The following DOCK6 variants were observed in gnomAD, a reference collection of about 807,000 sequenced individuals.
DOCK6 encodes the protein dedicator of cytokinesis 6.
DOCK6 carries 167 observed loss-of-function variants against 230.3 expected under a neutral mutation model. That is an observed-to-expected ratio of 0.73 (90% confidence interval 0.64 to 0.82). DOCK6 has a LOEUF of 0.82. DOCK6 is among the 40% of genes least tolerant of loss of function. The pLI is 0.00. For synonymous variants in DOCK6, 1,148 were observed against 1,185.0 expected, an observed-to-expected ratio of 0.97 and a Z score of 0.64; for missense variants, 2,598 against 2,825.8, an observed-to-expected ratio of 0.92 and a Z score of 1.83.
chr19:11,253,917 A>C, intron 1 of DOCK6, 191 bp from the exon 2 acceptor site: 1 of 493,412 alleles, frequency 2.0e-6, no homozygotes, highest in Non-Finnish European at 3.5e-6. Flanking sequence ...TCAAGCACAG[A>C]TCAGGAGATG....
chr19:11,228,355 G>A (rs898988285), intron 23 of DOCK6, among the ~76,000 whole-genome samples: 2 of 151,966 alleles, frequency 1.3e-5, no homozygotes, highest in African/African-American at 4.8e-5. Flanking sequence ...CAGGATGCAG[G>A]TCTCCTGTCT....
At chr19:11,204,903 C>T (rs2079231543) in intron 39 of DOCK6, among the ~76,000 whole-genome samples, 1 of 152,180 alleles carries the variant, frequency 6.6e-6, no homozygotes, top group African/African-American at 2.4e-5. Flanking sequence ...CTGCACTTCA[C>T]CCATCTGTCT....
rs376605088 is a variant in DOCK6, at chr19:11,202,457, G to A, written c.5388C>T (p.Asp1796=). The A allele has an allele frequency of 1.1e-5, 17 of 1,613,336 alleles. No homozygotes were observed. Among genetic ancestry groups the A allele is most frequent in the Admixed American group, 1.7e-5 (1 of 59,992 alleles). The change falls in exon 43 of 48, where the codon GAC becomes GAT. Residue 1796 remains aspartate (D), a synonymous_variant. Transcript: ENST00000294618. The surrounding 1 kb of genome is among the most constrained non-coding windows in gnomAD (Gnocchi z 5.3). ...AGTCTTTGATAATCTCAACGACGTCGTCGCCAAATCTCTCCGTGTAGAACT... is the reference window on the plus strand; with the variant it reads ...AGTCTTTGATAATCTCAACGACGTCATCGCCAAATCTCTCCGTGTAGAACT... ...LEEFYTERFG[D]DVVEIIKDSN... is the part of the protein sequence containing the mutation.
chr19:11,223,064 A>G lies in DOCK6; in HGVS notation c.2998T>C (p.Phe1000Leu). 1 of 1,613,778 alleles carries G rather than the reference A, an allele frequency of 6.2e-7. No individual in the cohort carries two copies. The highest frequency in any genetic ancestry group is 1.1e-5 in the South Asian group (1 of 91,080). ...ACCAGGGACAGAAGGTCACTGAGGA[A>G]GAAAGCCAGGCTGGCGTTGAGGTGC... The part of the protein sequence containing the change: ...AEHLNASLAF[F>L]LSDLLSLVDR... Residue 1000 changes from phenylalanine (F) to leucine (L), a missense_variant, in exon 25 of 48, where the codon TTC becomes CTC. Transcript: ENST00000294618.
rs761783805 is a variant in DOCK6, at chr19:11,202,671, G to T, written c.5274C>A (p.Gly1758=). 4 of 1,613,870 alleles carry T rather than the reference G, an allele frequency of 2.5e-6. No homozygotes were observed. The African/African-American group carries it at 5.3e-5, about 22-fold the overall frequency. ...GCTCATCCAGGTCACCGAAGTGGGC[G>T]CCGTAGAAGCCCACGCGGAAATACG... The part of the protein sequence containing the change: ...FGTYFRVGFY[G]AHFGDLDEQE... The change falls in exon 42 of 48, where the codon GGC becomes GGA. Residue 1758 remains glycine, a synonymous_variant. Transcript: ENST00000294618. The surrounding 1 kb of genome is among the most constrained non-coding windows in gnomAD (Gnocchi z 5.3).
intron 1 of DOCK6, among the ~76,000 whole-genome samples, chr19:11,256,495 T>G (rs2080199931): frequency 6.6e-6 from 1 of 151,996 alleles, no homozygotes; most frequent in African/African-American, 2.4e-5. Context: ...CTTGGATGAG[T>G]GACCATCAGT....
rs1293873402 is a variant in DOCK6 at position 11,235,749 on chromosome 19, G to A, written c.2403C>T (p.Gly801=). 9 of 1,591,518 alleles carry A rather than the reference G, an allele frequency of 5.7e-6. No homozygotes were observed. The highest frequency in any genetic ancestry group is 7.7e-6 in the Non-Finnish European group (9 of 1,168,150). Residue 801 remains glycine, a synonymous_variant, in exon 21 of 48, where the codon GGC becomes GGT. Transcript: ENST00000294618. ...GGGCCATTGCTTCAAAGGCTCCACG[G>A]CCCAGGTTCACTGCAGGGCAGAGCA... ...PIISGQIVNL[G]RGAFEAMAHV... is the part of the protein sequence containing the mutation.
intron 21 of DOCK6, 54 bp downstream of exon 21, chr19:11,235,544 C>T (rs1173199542): frequency 2.5e-5 from 37 of 1,498,948 alleles, no homozygotes; most frequent in Non-Finnish European, 3.2e-5. Context: ...AGCCACCGCA[C>T]CCAGCCTCTT....
chr19:11,239,615 G>A, intron 14 of DOCK6: 2 of 1,613,084 alleles, frequency 1.2e-6, no homozygotes, highest in Non-Finnish European at 1.7e-6. Flanking sequence ...ACAGTGCTGT[G>A]GCTATACCTT....
chr19:11,258,322 C>G (rs2080228531), intron 1 of DOCK6, among the ~76,000 whole-genome samples: 1 of 152,168 alleles, frequency 6.6e-6, no homozygotes, highest in Admixed American at 6.6e-5. Context: ...GGGAGGGAGC[C>G]AGGAAGGTGG....
In DOCK6 at chr19:11,220,023, G is replaced by A. The variant is rs566088286; in HGVS notation, c.3550+1828C>T. ...GGCTGGAGTGCAATGGCACAATCTC[G>A]GCTCACTGCGACCTCCATCTCCCAG... On this transcript the variant is annotated intron_variant, in intron 28 of 47. Transcript: ENST00000294618. Among the ~76,000 whole-genome samples, 408 of 151,336 alleles carry A rather than the reference G, an allele frequency of 2.7e-3. 2 individuals are homozygous for A. Among genetic ancestry groups the A allele is most frequent in the African/African-American group, 9.2e-3 (381 of 41,266 alleles).
chr19:11,204,085 C>T lies in DOCK6; in HGVS notation c.5231G>A (p.Trp1744Ter). The change falls in exon 41 of 48, where the codon TGG (tryptophan) becomes TAG (stop). Residue 1744 changes from tryptophan (W) to a stop codon, truncating the protein, a stop_gained. Transcript: ENST00000294618. LOFTEE classifies it high-confidence loss of function. Reference sequence around the variant, plus strand: ...TGTCCACCAAGGCTGACTCACCTCCCAGCCGGAACTCTGTGGGGAAGAGAA... The same window carrying T: ...TGTCCACCAAGGCTGACTCACCTCCTAGCCGGAACTCTGTGGGGAAGAGAA... The part of the protein sequence containing the change: ...FTKIMHQSSG[W>*]ERVFGTYFRV... 1.3e-6 allele frequency: 2 copies of T among 1,549,896 alleles called. No individual in the cohort carries two copies. Among genetic ancestry groups the T allele is most frequent in the Non-Finnish European group, 1.7e-6 (2 of 1,146,708 alleles).
At chr19:11,228,559 TC>T (rs1351413681) in intron 23 of DOCK6, among the ~76,000 whole-genome samples, 46 of 148,736 alleles carry the variant, frequency 3.1e-4, no homozygotes, top group African/African-American at 1.1e-3. Flanking sequence ...GGGGCTTCTC[TC>T]TTTTTTTTTT....
rs368318849 is a variant in DOCK6, at chr19:11,208,884, G to A, written c.4944+27C>T. 2.1e-5 allele frequency: 33 copies of A among 1,596,318 alleles called. No homozygotes were observed. In the East Asian group the frequency reaches 2.9e-4, roughly 14 times the overall value. ...GGTCCCCACTGCACTCGTGCCGTCC[G>A]CCACCTGCCAACCCCTGGCCACTCA... is the stretch of plus-strand genomic sequence containing the variant. On this transcript the variant is annotated intron_variant, in intron 38 of 47. Transcript: ENST00000294618.
At position 11,215,462 on chromosome 19, in the gene DOCK6, G is replaced by A. The variant is rs1006014435; in HGVS notation, c.4031C>T (p.Pro1344Leu). ...GCGCACATTCTCCGGATTCCCAAAC[G>A]GGCTCCTCTCTGAGACGCGTGGGTG... ...EMVRRSRERS[P>L]FGNPENVRWR... Residue 1344 changes from proline (P) to leucine (L), a missense_variant, in exon 32 of 48, where the codon CCG becomes CTG. Coordinates refer to ENST00000294618, the MANE Select transcript of DOCK6 (RefSeq NM_020812.4). 9 of 1,612,204 alleles carry A rather than the reference G, an allele frequency of 5.6e-6. No homozygotes were observed. The African/African-American group carries it at 9.5e-5, about 17-fold the overall frequency.
chr19:11,206,546 G>T (rs2079263631), intron 39 of DOCK6, among the ~76,000 whole-genome samples: 1 of 151,466 alleles, frequency 6.6e-6, no homozygotes, highest in African/African-American at 2.4e-5. Flanking sequence ...GGGTGAGAGA[G>T]TAAGACCCTG....
chr19:11,215,656 A>T, intron 31 of DOCK6, 145 bp downstream of exon 31: 1 of 1,413,192 alleles, frequency 7.1e-7, no homozygotes, highest in Non-Finnish European at 9.8e-7. Context: ...GCACAGGCGC[A>T]TGTGTACGGT....
At position 11,217,551 on chromosome 19, in the gene DOCK6, G is replaced by A. The variant is rs182504202; in HGVS notation, c.3551-160C>T. Among the ~76,000 whole-genome samples the A allele has an allele frequency of 6.4e-4, 97 of 152,168 alleles. 1 individual carries two copies. The highest frequency in any genetic ancestry group is 1.5e-3 in the South Asian group (7 of 4,822). On this transcript the variant is annotated intron_variant, in intron 28 of 47. Coordinates refer to ENST00000294618, the MANE Select transcript of DOCK6 (RefSeq NM_020812.4). ...GCGGGTGGATCACCTGAGGTCAGGAGTTCGAGACCAGCCTGGCCAACGTGG... is the reference window on the plus strand; with the variant it reads ...GCGGGTGGATCACCTGAGGTCAGGAATTCGAGACCAGCCTGGCCAACGTGG...
chr19:11,248,224 G>T, intron 6 of DOCK6, 73 bp from the exon 7 acceptor site: 1 of 1,200,972 alleles, frequency 8.3e-7, no homozygotes, highest in Non-Finnish European at 1.2e-6. Context: ...GGAATGCCCA[G>T]CCTCAGACCA....
Sources: allele counts gnomAD v4.1 joint callset (sites outside exome capture counted in the v4.1 genomes callset), GRCh38; gene constraint gnomAD v4.1.1; non-coding constraint Gnocchi (gnomAD v3.1); transcripts MANE v1.5; gene names NCBI Gene and HGNC (gene_info 2026-07-23, HGNC 2026-07-21).